Variants in MED12L observed in about 807,000 individuals in gnomAD.
The protein encoded by MED12L is mediator of RNA polymerase II transcription subunit 12-like protein.
In MED12L, 60 loss-of-function variants were observed where a neutral mutation model predicts 281.3. The ratio of observed to expected loss-of-function variants is 0.21; its 90% CI spans 0.17 to 0.26. The LOEUF is 0.26. Among genes scored for constraint, MED12L ranks in the 10% least tolerant of loss-of-function variants. The pLI, the probability that MED12L is intolerant of heterozygous loss-of-function variation, is 1.00. For missense variants in MED12L, 2,146 were observed against 2,680.9 expected (o/e 0.80, Z 4.41); for synonymous variants, 974 against 987.2 (o/e 0.99, Z 0.25).
rs527613605 is a variant in MED12L at position 151,254,634 on chromosome 3, A to G, written c.2250+60968A>G. ...TAAAAGTACTTTTGTGAACAGCTGC[A>G]TTTAGAGAGAAATGTGAAGTCCAAG... On this transcript the variant is annotated intron_variant, in intron 16 of 44. Coordinates refer to ENST00000687756, the MANE Select transcript of MED12L (RefSeq NM_001393769.1). Among the ~76,000 whole-genome samples the G allele has an allele frequency of 7.2e-5, 11 of 152,372 alleles. No individual in the cohort carries two copies. In the South Asian group the frequency reaches 2.1e-3, roughly 29 times the overall value.
At chr3:151,223,156 A>C (rs1002751198) in intron 16 of MED12L, among the ~76,000 whole-genome samples, 2 of 129,448 alleles carry the variant, frequency 1.5e-5, no homozygotes, top group Non-Finnish European at 3.2e-5. Flanking sequence ...TACAACATTG[A>C]GGCTTTTATT....
At chr3:151,254,930 C>T (rs906126310) in intron 16 of MED12L, among the ~76,000 whole-genome samples, 2 of 152,186 alleles carry the variant, frequency 1.3e-5, no homozygotes, top group Non-Finnish European at 2.9e-5. Flanking sequence ...TGAGACTTGT[C>T]TGCTACCAAA....
chr3:151,141,882 C>T (rs1717079576), intron 5 of MED12L, among the ~76,000 whole-genome samples: 1 of 152,158 alleles, frequency 6.6e-6, no homozygotes, highest in South Asian at 2.1e-4. Flanking sequence ...TGCTACTCAA[C>T]AGTTTTTTCT....
intron 16 of MED12L, among the ~76,000 whole-genome samples, chr3:151,299,898 G>C (rs1050505895): frequency 2.6e-5 from 4 of 152,138 alleles, no homozygotes; most frequent in Non-Finnish European, 5.9e-5. Context: ...TTATCTCAGC[G>C]ATACTGTCCT....
At chr3:151,281,232 C>CAAAAAAAAAAA (rs35035320) in intron 16 of MED12L, among the ~76,000 whole-genome samples, 1 of 49,962 alleles carries the variant, frequency 2.0e-5, no homozygotes, top group African/African-American at 7.6e-5. Context: ...ACCAAAAATA[C>CAAAAAAAAAAA]AAAAAAAAAA....
intron 5 of MED12L, among the ~76,000 whole-genome samples, chr3:151,140,471 T>A (rs1176856250): frequency 6.6e-6 from 1 of 152,252 alleles, no homozygotes; most frequent in African/African-American, 2.4e-5. Flanking sequence ...TAAAAAGTTC[T>A]AATCAAGTTT....
chr3:151,395,294 C>T (rs925687048), intron 39 of MED12L, among the ~76,000 whole-genome samples: 4 of 152,072 alleles, frequency 2.6e-5, no homozygotes, highest in East Asian at 3.9e-4. Flanking sequence ...CCTGATGTTT[C>T]CTAGGTTTTC....
chr3:151,313,144 C>A (rs527814821), intron 16 of MED12L, among the ~76,000 whole-genome samples: 1 of 152,156 alleles, frequency 6.6e-6, no homozygotes, highest in East Asian at 1.9e-4. Context: ...TTGAACAGAA[C>A]GTAAGCCCAT....
chr3:151,119,990 A>T (rs968367516), intron 3 of MED12L, among the ~76,000 whole-genome samples: 1 of 151,508 alleles, frequency 6.6e-6, no homozygotes, highest in African/African-American at 2.4e-5. Context: ...GGGCTGAGGC[A>T]GGTGGATTAT....
At chr3:151,117,301 A>G (rs760820900) in intron 3 of MED12L, among the ~76,000 whole-genome samples, 4 of 152,114 alleles carry the variant, frequency 2.6e-5, no homozygotes, top group Non-Finnish European at 2.9e-5. Flanking sequence ...TGTCCTTGTC[A>G]TCCTTTGAGC....
chr3:151,286,218 C>G (rs369308666), intron 16 of MED12L, among the ~76,000 whole-genome samples: 7 of 152,178 alleles, frequency 4.6e-5, no homozygotes, highest in African/African-American at 1.7e-4. Flanking sequence ...TGCAGGGAGA[C>G]CAGTGCCTTG....
intron 16 of MED12L, among the ~76,000 whole-genome samples, chr3:151,291,903 C>T (rs745740220): frequency 3.9e-5 from 6 of 152,078 alleles, no homozygotes; most frequent in East Asian, 1.9e-4. Flanking sequence ...TTTTAGCCTA[C>T]GTTTGAAGAT....
chr3:151,179,185 C>T (rs1722428194), intron 11 of MED12L, among the ~76,000 whole-genome samples: 1 of 152,000 alleles, frequency 6.6e-6, no homozygotes, highest in Non-Finnish European at 1.5e-5. Context: ...ACTAAAAGTA[C>T]AAAAATTAGC....
At chr3:151,254,015 A>G (rs796465241) in intron 16 of MED12L, among the ~76,000 whole-genome samples, 8 of 74,002 alleles carry the variant, frequency 1.1e-4, no homozygotes, top group African/African-American at 4.3e-4. Flanking sequence ...TTTTTTTGTT[A>G]ATTTAAACTT....
At chr3:151,376,594 CTAAT>C (rs1385850654) in intron 28 of MED12L, among the ~76,000 whole-genome samples, 4 of 152,082 alleles carry the variant, frequency 2.6e-5, no homozygotes, top group African/African-American at 9.7e-5. Context: ...ACAGTATTAA[CTAAT>C]TAATAATTAA....
chr3:151,269,337 T>A (rs1740420278), intron 16 of MED12L: 1 of 157,108 alleles, frequency 6.4e-6, no homozygotes, highest in Non-Finnish European at 1.4e-5. Flanking sequence ...GAGGTGGAGG[T>A]TGCAGTGACC....
At chr3:151,290,010 C>G (rs1259638392) in intron 16 of MED12L, among the ~76,000 whole-genome samples, 1 of 152,072 alleles carries the variant, frequency 6.6e-6, no homozygotes, top group Non-Finnish European at 1.5e-5. Context: ...TCTGCTTCAA[C>G]CTCCTGAGTA....
chr3:151,314,168 A>T (rs576864827), intron 16 of MED12L, among the ~76,000 whole-genome samples: 2 of 152,336 alleles, frequency 1.3e-5, no homozygotes, highest in South Asian at 4.1e-4. Flanking sequence ...ACTTAATGTC[A>T]TGGCTTACAC....
chr3:151,228,945 T>C (rs1484679523), intron 16 of MED12L, among the ~76,000 whole-genome samples: 1 of 152,188 alleles, frequency 6.6e-6, no homozygotes, highest in Admixed American at 6.5e-5. Context: ...TATTTGCATT[T>C]CTCAGGCAAG....
Sources: gnomAD v4.1 joint callset for allele counts (sites outside exome capture counted in the v4.1 genomes callset) on GRCh38, gnomAD v4.1.1 for gene constraint, MANE v1.5 for transcripts, NCBI Gene and HGNC (gene_info 2026-07-23, HGNC 2026-07-21) for gene names.